The following LMX1B variants were observed in gnomAD, a reference collection of about 807,000 sequenced individuals.
LMX1B encodes LIM homeobox transcription factor 1-beta.
LMX1B carries 12 observed loss-of-function variants against 51.4 expected under a neutral mutation model. The observed-to-expected ratio is 0.23, with a 90% CI of 0.15 to 0.38. The LOEUF is 0.38. Among genes scored for constraint, LMX1B ranks in the 10% least tolerant of loss-of-function variants. The pLI is 1.00. For synonymous variants in LMX1B, 237 were observed against 235.4 expected, an observed-to-expected ratio of 1.01 and a Z score of -0.06; for missense variants, 445 against 571.1, an observed-to-expected ratio of 0.78 and a Z score of 2.25.
intron 2 of LMX1B, among the ~76,000 whole-genome samples, chr9:126,682,912 A>AAG (rs1554727758): frequency 2.0e-5 from 3 of 148,570 alleles, no homozygotes; most frequent in Non-Finnish European, 3.0e-5. Context: ...AAAAAAAAAA[A>AAG]AAAGAAAGAA....
chr9:126,696,017 C>T lies in LMX1B; in HGVS notation c.1051+14C>T, dbSNP rs748190756. Reference sequence around the variant, plus strand: ...TGAACCCCTATGGTAAGCCGCCCTACCCCCACCCGCCCGCCCCAGCACAGC... The same window carrying T: ...TGAACCCCTATGGTAAGCCGCCCTATCCCCACCCGCCCGCCCCAGCACAGC... On this transcript the variant is annotated intron_variant, in intron 7 of 7. Transcript: ENST00000373474. The T allele has an allele frequency of 2.7e-6, 4 of 1,497,334 alleles. No homozygotes were observed. Among genetic ancestry groups the T allele is most frequent in the Non-Finnish European group, 3.6e-6 (4 of 1,122,902 alleles). The allele number at this position is 1,497,334 out of a possible 1,614,324, so 92.8% of individuals were successfully genotyped here. A position where few individuals can be genotyped will look rare whatever the true frequency, so the allele number is the denominator to read the frequency against.
intron 2 of LMX1B, among the ~76,000 whole-genome samples, chr9:126,679,322 G>A (rs1836628882): frequency 6.6e-6 from 1 of 152,062 alleles, no homozygotes; most frequent in Non-Finnish European, 1.5e-5. Flanking sequence ...TGGTGGAGAG[G>A]GTGGATGTAG....
rs569959253 is a variant in LMX1B, at chr9:126,695,504, CT to C, written c.887-330del. ...TTCCTCCAGGAAGTCTTCCCGGGGC[CT>C]TTTTGGCCTGGGTCTGGGACCTTGG... On this transcript the variant is annotated intron_variant, in intron 6 of 7. Transcript: ENST00000373474. The surrounding 1 kb of genome is among the most constrained non-coding windows in gnomAD (Gnocchi z 5.2). 2.4e-4 allele frequency among the ~76,000 whole-genome samples: 36 copies of C among 152,310 alleles called. No individual in the cohort carries two copies. The South Asian group carries it at 7.5e-3, about 32-fold the overall frequency.
rs1260947539 is a variant in LMX1B, at chr9:126,615,595, C to T, written c.326+26C>T. 3 of 1,582,402 alleles carry T rather than the reference C, an allele frequency of 1.9e-6. No individual in the cohort carries two copies. Among genetic ancestry groups the T allele is most frequent in the Non-Finnish European group, 2.6e-6 (3 of 1,163,884 alleles). On this transcript the variant is annotated intron_variant, in intron 2 of 7. Coordinates refer to ENST00000373474, the MANE Select transcript of LMX1B (RefSeq NM_001174147.2). This position sits in a 1 kb window ranked among gnomAD's most constrained non-coding sequence, Gnocchi z 6.0. The stretch of plus-strand genomic sequence containing the variant: ...GTAAGCGCTTCTCGTCCTCCTTCCC[C>T]GCCACCGCCCGGCACTCGAGCCCGG...
chr9:126,644,814 C>T (rs1835870987), intron 2 of LMX1B, among the ~76,000 whole-genome samples: 1 of 152,184 alleles, frequency 6.6e-6, no homozygotes, highest in African/African-American at 2.4e-5. Flanking sequence ...CTGGCTGCAG[C>T]TTCCTTAGGC....
chr9:126,693,692 G>C (rs1435006934), intron 5 of LMX1B, 54 bp from the exon 6 acceptor site: 2 of 1,587,090 alleles, frequency 1.3e-6, no homozygotes, highest in Non-Finnish European at 1.7e-6. Flanking sequence ...GCGTGGGGCT[G>C]GCTGTGCCTG....
At chr9:126,617,486 T>C (rs1398012426) in intron 2 of LMX1B, among the ~76,000 whole-genome samples, 1 of 150,406 alleles carries the variant, frequency 6.6e-6, no homozygotes, top group Non-Finnish European at 1.5e-5. Flanking sequence ...TTACGGAGCT[T>C]CTCTTTAAAA....
chr9:126,639,835 C>T (rs1449909389), intron 2 of LMX1B, among the ~76,000 whole-genome samples: 1 of 152,214 alleles, frequency 6.6e-6, no homozygotes, highest in African/African-American at 2.4e-5. Flanking sequence ...TCAATAGCTT[C>T]TCATATGTGG....
chr9:126,668,158 G>A (rs10121359), intron 2 of LMX1B, among the ~76,000 whole-genome samples: 11,683 of 152,070 alleles, frequency 0.077, 1,479 homozygotes, highest in African/African-American at 0.26. Flanking sequence ...GGTGTTTGGG[G>A]CTCAGGGACA....
chr9:126,681,614 A>G (rs114601603), intron 2 of LMX1B, among the ~76,000 whole-genome samples: 96 of 152,220 alleles, frequency 6.3e-4, no homozygotes, highest in African/African-American at 2.2e-3. Flanking sequence ...TAAAATGCCA[A>G]TCAGAGGCGG....
intron 2 of LMX1B, among the ~76,000 whole-genome samples, 189 bp from the exon 3 acceptor site, chr9:126,690,647 C>T (rs900743394): frequency 3.9e-5 from 6 of 152,220 alleles, no homozygotes; most frequent in Non-Finnish European, 8.8e-5. Context: ...CCCAGGGCCA[C>T]TGGGGGCCTG....
intron 2 of LMX1B, among the ~76,000 whole-genome samples, chr9:126,666,089 T>G (rs10429588): frequency 0.016 from 2,505 of 152,332 alleles, 53 homozygotes; most frequent in African/African-American, 0.054. Context: ...ACCAGGCAGC[T>G]TCTATGGCCG....
rs1835512436 is a variant in LMX1B at position 126,625,693 on chromosome 9, T to A, written c.326+10124T>A. ...CTTCTCCGCCAGGCCCGTGGCGCCT[T>A]TCTCGCCACCTCCGCCGCCGCCGCC... is the stretch of plus-strand genomic sequence containing the variant. On this transcript the variant is annotated intron_variant, in intron 2 of 7. Coordinates refer to ENST00000373474, the MANE Select transcript of LMX1B (RefSeq NM_001174147.2). The surrounding 1 kb of genome is among the most constrained non-coding windows in gnomAD (Gnocchi z 5.3). Among the ~76,000 whole-genome samples, 1 of 152,164 alleles carries A rather than the reference T, an allele frequency of 6.6e-6. No individual in the cohort carries two copies. Among genetic ancestry groups the A allele is most frequent in the African/African-American group, 2.4e-5 (1 of 41,450 alleles).
At chr9:126,682,920 G>GAAAGAAAT (rs1421592781) in intron 2 of LMX1B, among the ~76,000 whole-genome samples, 38 of 142,532 alleles carry the variant, frequency 2.7e-4, no homozygotes, top group Non-Finnish European at 5.4e-4. Context: ...AAAAAAGAAA[G>GAAAGAAAT]AAAGAAATAT....
In LMX1B at chr9:126,615,673, C is replaced by A; in HGVS notation, c.326+104C>A. 2 of 1,056,572 alleles carry A rather than the reference C, an allele frequency of 1.9e-6. No individual in the cohort carries two copies. The highest frequency in any genetic ancestry group is 2.6e-6 in the Non-Finnish European group (2 of 761,334). 65.4% of individuals were successfully genotyped at this position (1,056,572 alleles called of 1,614,324 possible). A position where few individuals can be genotyped will look rare whatever the true frequency, so the allele number is the denominator to read the frequency against. On this transcript the variant is annotated intron_variant, in intron 2 of 7. Coordinates refer to ENST00000373474, the MANE Select transcript of LMX1B (RefSeq NM_001174147.2). The surrounding 1 kb of genome is among the most constrained non-coding windows in gnomAD (Gnocchi z 6.0). ...CCCGCTCTGCCGCCGGCTCTGTGCG[C>A]GGCTGGGCCGGGCAGCTCCAAGGGT...
chr9:126,683,569 C>T (rs1836717464), intron 2 of LMX1B, among the ~76,000 whole-genome samples: 1 of 152,244 alleles, frequency 6.6e-6, no homozygotes, highest in Admixed American at 6.5e-5. Context: ...CTGTGAACTG[C>T]AGCTCATCCT....
chr9:126,654,302 G>A (rs1168598301), intron 2 of LMX1B, among the ~76,000 whole-genome samples: 1 of 152,184 alleles, frequency 6.6e-6, no homozygotes, highest in Non-Finnish European at 1.5e-5. Flanking sequence ...GGCTCCCACA[G>A]ACCCCCATGC....
chr9:126,682,081 G>GCCTTTTTTTTTTTTTTT lies in LMX1B; in HGVS notation c.327-8755_327-8754insCCTTTTTTTTTTTTTTT, dbSNP rs755608375. On this transcript the variant is annotated intron_variant, in intron 2 of 7. Transcript: ENST00000373474. The stretch of plus-strand genomic sequence containing the variant: ...TACTTGCAGATACTTGGTCCCCAGG[G>GCCTTTTTTTTTTTTTTT]TCTTTTTTTTTTTTTTTTTTTTTTT... Among the ~76,000 whole-genome samples the GCCTTTTTTTTTTTTTTT allele has an allele frequency of 1.1e-4, 9 of 81,268 alleles. 1 individual carries two copies. The highest frequency in any genetic ancestry group is 5.0e-4 in the African/African-American group (9 of 18,040). 53.3% of individuals were successfully genotyped at this position (81,268 alleles called of 152,430 possible).
At chr9:126,640,286 G>T (rs1440420666) in intron 2 of LMX1B, among the ~76,000 whole-genome samples, 1 of 152,158 alleles carries the variant, frequency 6.6e-6, no homozygotes, top group African/African-American at 2.4e-5. Flanking sequence ...AGAGGGACCA[G>T]CGGGCAGCCC....
Sources: allele counts gnomAD v4.1 joint callset (sites outside exome capture counted in the v4.1 genomes callset), GRCh38; gene constraint gnomAD v4.1.1; non-coding constraint Gnocchi (gnomAD v3.1); transcripts MANE v1.5; gene names NCBI Gene and HGNC (gene_info 2026-07-23, HGNC 2026-07-21).